The following CNTN4 variants were observed in gnomAD, a reference collection of about 807,000 sequenced individuals.
CNTN4 encodes the protein contactin-4.
A neutral mutation model predicts 122.5 loss-of-function variants in CNTN4; 77 were observed. That is an observed-to-expected ratio of 0.63 (90% confidence interval 0.52 to 0.76). The LOEUF (loss-of-function observed/expected upper bound fraction) is 0.76. Ranked by LOEUF, CNTN4 falls within the 30% of genes least tolerant of loss-of-function variation. The pLI is 0.00. For missense variants in CNTN4, 1,256 were observed against 1,259.1 expected (o/e 1.00, Z 0.04); for synonymous variants, 512 against 447.0 (o/e 1.15, Z -1.83).
intron 9 of CNTN4, among the ~76,000 whole-genome samples, chr3:2,884,796 C>T (rs1430962571): frequency 6.6e-6 from 1 of 152,196 alleles, no homozygotes; most frequent in Non-Finnish European, 1.5e-5. Flanking sequence ...ATGAATTAAA[C>T]TCTATTCACA....
intron 4 of CNTN4, among the ~76,000 whole-genome samples, chr3:2,651,008 A>G (rs112034464): frequency 1.3e-5 from 2 of 152,330 alleles, no homozygotes; most frequent in African/African-American, 4.8e-5. Context: ...ATCCTGTTAT[A>G]AAGGTTATAG....
chr3:2,747,541 CCAAAACATCAGAAAGATAGAATCT>C (rs748313031), intron 6 of CNTN4, among the ~76,000 whole-genome samples: 5 of 151,502 alleles, frequency 3.3e-5, no homozygotes, highest in Non-Finnish European at 7.4e-5. Context: ...CATTTTACTA[CCAAAACATCAGAAAGATAGAATCT>C]CATATTCAAG....
chr3:2,887,401 G>C (rs1009797885), intron 10 of CNTN4, among the ~76,000 whole-genome samples, 177 bp downstream of exon 10: 38 of 152,038 alleles, frequency 2.5e-4, no homozygotes, highest in African/African-American at 8.5e-4. Context: ...GAGTGAGGGT[G>C]GGGGGCAAGG....
At chr3:2,598,210 G>C (rs1221767202) in intron 4 of CNTN4, among the ~76,000 whole-genome samples, 1 of 152,136 alleles carries the variant, frequency 6.6e-6, no homozygotes, top group Non-Finnish European at 1.5e-5. Context: ...TCTACTTGCT[G>C]TGGTACCGAA....
At chr3:2,805,427 C>T (rs529467164) in intron 6 of CNTN4, among the ~76,000 whole-genome samples, 17 of 152,204 alleles carry the variant, frequency 1.1e-4, no homozygotes, top group South Asian at 6.2e-4. Flanking sequence ...AATGTTGTGA[C>T]GATGGAAAGA....
At chr3:2,409,802 CTA>C (rs1215143183) in intron 3 of CNTN4, among the ~76,000 whole-genome samples, 1 of 151,874 alleles carries the variant, frequency 6.6e-6, no homozygotes, top group East Asian at 1.9e-4. Flanking sequence ...TATGTATACA[CTA>C]TTTAAATATG....
intron 4 of CNTN4, among the ~76,000 whole-genome samples, chr3:2,713,681 T>C (rs912922296): frequency 2.0e-5 from 3 of 152,200 alleles, no homozygotes; most frequent in Non-Finnish European, 4.4e-5. Context: ...GAAGTGACAA[T>C]ATGCCATATT....
intron 14 of CNTN4, 26 bp downstream of exon 14, chr3:2,988,498 A>G (rs1694781235): frequency 6.2e-7 from 1 of 1,612,086 alleles, no homozygotes; most frequent in Non-Finnish European, 8.5e-7. Flanking sequence ...AAGAATTCGA[A>G]TATTTATATA....
intron 2 of CNTN4, among the ~76,000 whole-genome samples, chr3:2,138,973 A>G (rs913751071): frequency 1.3e-5 from 2 of 152,088 alleles, no homozygotes; most frequent in Non-Finnish European, 2.9e-5. Context: ...TTGTATGTGT[A>G]TGGTTTTATG....
At chr3:2,972,447 A>G (rs1318875434) in intron 13 of CNTN4, among the ~76,000 whole-genome samples, 1 of 152,164 alleles carries the variant, frequency 6.6e-6, no homozygotes, top group Non-Finnish European at 1.5e-5. Flanking sequence ...GAACACTTCA[A>G]CAGTGCAACA....
intron 4 of CNTN4, among the ~76,000 whole-genome samples, chr3:2,703,268 A>G (rs74856892): frequency 0.012 from 1,846 of 152,306 alleles, 27 homozygotes; most frequent in African/African-American, 0.037. Context: ...TGAATGAATG[A>G]GTACATAAAT....
At chr3:3,039,122 G>C in intron 19 of CNTN4, 119 bp downstream of exon 19, 1 of 891,284 alleles carries the variant, frequency 1.1e-6, no homozygotes, top group South Asian at 1.4e-5. Context: ...AAATTCATTT[G>C]GGTTCAGACA....
intron 4 of CNTN4, among the ~76,000 whole-genome samples, chr3:2,586,100 C>T (rs1025804587): frequency 2.4e-4 from 37 of 152,032 alleles, no homozygotes; most frequent in African/African-American, 7.7e-4. Flanking sequence ...ACCTCTGTAC[C>T]TCTGTATTAT....
chr3:2,968,920 A>G (rs1381982569), intron 13 of CNTN4, among the ~76,000 whole-genome samples: 3 of 152,202 alleles, frequency 2.0e-5, no homozygotes, highest in Non-Finnish European at 4.4e-5. Flanking sequence ...TCAGGTTGCA[A>G]ATGACTGAAA....
chr3:2,852,652 T>C (rs1315700279), intron 7 of CNTN4, among the ~76,000 whole-genome samples: 1 of 152,130 alleles, frequency 6.6e-6, no homozygotes, highest in Non-Finnish European at 1.5e-5. Flanking sequence ...GAAAATTGAG[T>C]CTTAGATATG....
chr3:2,690,360 C>T (rs1247230725), intron 4 of CNTN4, among the ~76,000 whole-genome samples: 1 of 152,000 alleles, frequency 6.6e-6, no homozygotes, highest in African/African-American at 2.4e-5. Flanking sequence ...TAAGAGAAGC[C>T]GTTTAGCATA....
At chr3:2,617,558 A>G (rs1325545818) in intron 4 of CNTN4, among the ~76,000 whole-genome samples, 2 of 151,296 alleles carry the variant, frequency 1.3e-5, no homozygotes, top group African/African-American at 2.4e-5. Context: ...GTAGCTGGGA[A>G]TACAGGCACA....
intron 2 of CNTN4, among the ~76,000 whole-genome samples, chr3:2,320,889 T>C (rs945354205): frequency 6.6e-6 from 1 of 152,144 alleles, no homozygotes. Flanking sequence ...ACAACAGTTA[T>C]AATTAGGAAT....
chr3:2,142,996 C>G (rs180904595), intron 2 of CNTN4, among the ~76,000 whole-genome samples: 3 of 152,316 alleles, frequency 2.0e-5, no homozygotes, highest in South Asian at 4.1e-4. Context: ...CTCTATTTCT[C>G]TCTTAACTGG....
Sources: gnomAD v4.1 joint callset for allele counts (sites outside exome capture counted in the v4.1 genomes callset) on GRCh38, gnomAD v4.1.1 for gene constraint, MANE v1.5 for transcripts, NCBI Gene and HGNC (gene_info 2026-07-23, HGNC 2026-07-21) for gene names.